AFDN: variants seen among roughly 807,000 people sequenced by gnomAD.
AFDN encodes the protein afadin, adherens junction formation factor.
A neutral mutation model predicts 216.6 loss-of-function variants in AFDN; 68 were observed. The observed-to-expected ratio is 0.31, with a 90% CI of 0.26 to 0.38. The LOEUF is 0.38. Among genes scored for constraint, AFDN ranks in the 10% least tolerant of loss-of-function variants. The pLI is 1.00. For missense variants in AFDN, 2,136 were observed against 2,342.0 expected (o/e 0.91, Z 1.82); for synonymous variants, 868 against 853.7 (o/e 1.02, Z -0.29).
intron 1 of AFDN, among the ~76,000 whole-genome samples, chr6:167,848,361 G>A (rs530785319): frequency 1.3e-5 from 2 of 152,242 alleles, no homozygotes; most frequent in South Asian, 4.2e-4. Context: ...CAGACATAGC[G>A]AAAGGGTTTT....
intron 16 of AFDN, 45 bp from the exon 17 acceptor site, chr6:167,914,123 T>C: frequency 6.2e-7 from 1 of 1,603,602 alleles, no homozygotes; most frequent in Non-Finnish European, 8.5e-7. Context: ...TTTTTATTAC[T>C]TTTGTTTATT....
At chr6:167,832,910 GTAGT>G in intron 1 of AFDN, among the ~76,000 whole-genome samples, 1 of 152,278 alleles carries the variant, frequency 6.6e-6, no homozygotes, top group Non-Finnish European at 1.5e-5. Flanking sequence ...TCACTCCTTT[GTAGT>G]TAGAGTGGCT....
At chr6:167,843,902 G>A (rs946591698) in intron 1 of AFDN, among the ~76,000 whole-genome samples, 1 of 152,162 alleles carries the variant, frequency 6.6e-6, no homozygotes, top group Non-Finnish European at 1.5e-5. Context: ...GGGATAGTTA[G>A]GCTGTTGAAG....
intron 29 of AFDN, among the ~76,000 whole-genome samples, chr6:167,949,070 A>G (rs765850824): frequency 2.6e-5 from 4 of 152,254 alleles, no homozygotes; most frequent in African/African-American, 7.2e-5. Context: ...AGGGCTTGAC[A>G]TGACAGCTAA....
chr6:167,854,108 A>G (rs1014076692), intron 1 of AFDN, among the ~76,000 whole-genome samples: 2 of 152,000 alleles, frequency 1.3e-5, no homozygotes, highest in African/African-American at 2.4e-5. Context: ...ACTGGTTTCA[A>G]ACCTTCAGAT....
intron 21 of AFDN, 126 bp downstream of exon 21, chr6:167,919,059 C>T (rs1042324644): frequency 1.7e-5 from 13 of 761,350 alleles, no homozygotes; most frequent in East Asian, 8.0e-5. Context: ...TGGAGAAGTC[C>T]GTGTTCCACT....
rs1301492503 is a variant in AFDN at position 167,857,696 on chromosome 6, C to G, written c.106-6855C>G. Among the ~76,000 whole-genome samples the G allele has an allele frequency of 2.0e-5, 3 of 152,066 alleles. No homozygotes were observed. In the South Asian group the frequency reaches 6.2e-4, roughly 32 times the overall value. ...TTATTATACTGATTACTTCAAAATC[C>G]GAGCTGTATGAACCTGAACCAACTG... On this transcript the variant is annotated intron_variant, in intron 1 of 33. Coordinates refer to ENST00000683244, the MANE Select transcript of AFDN (RefSeq NM_001386888.1).
At chr6:167,953,530 G>T (rs1220150831) in intron 30 of AFDN, among the ~76,000 whole-genome samples, 1 of 152,064 alleles carries the variant, frequency 6.6e-6, no homozygotes, top group Non-Finnish European at 1.5e-5. Flanking sequence ...TTATTACATT[G>T]TTTTACTACT....
rs114684437 is a variant in AFDN at position 167,903,341 on chromosome 6, G to C, written c.1650+955G>C. Among the ~76,000 whole-genome samples, 411 of 152,308 alleles carry C rather than the reference G, an allele frequency of 2.7e-3. 4 individuals carry two copies. Among genetic ancestry groups the C allele is most frequent in the African/African-American group, 9.1e-3 (380 of 41,564 alleles). ...GTTGGTAGCCAGTGGCTGGAGTGCA[G>C]GGCCCACTGACCCTCTCTCTGTGCT... On this transcript the variant is annotated intron_variant, in intron 12 of 33. Coordinates refer to ENST00000683244, the MANE Select transcript of AFDN (RefSeq NM_001386888.1).
chr6:167,890,389 A>G (rs1469694359), intron 7 of AFDN, among the ~76,000 whole-genome samples: 1 of 152,242 alleles, frequency 6.6e-6, no homozygotes, highest in Non-Finnish European at 1.5e-5. Context: ...TTATTTCAAT[A>G]GGCTTTTGCG....
At position 167,962,486 on chromosome 6, in the gene AFDN, G is replaced by A. The variant is rs767259290; in HGVS notation, c.4887G>A (p.Arg1629=). 3 of 1,613,594 alleles carry A rather than the reference G, an allele frequency of 1.9e-6. No individual in the cohort carries two copies. The African/African-American group carries it at 4.0e-5, about 22-fold the overall frequency. ...AGCAGTTAGAAGAGATGCGCAAGCG[G>A]GAAGCGGAAGACCGAGCGAGGCAAG... ...RQQQLEEMRK[R]EAEDRARQEE... The change falls in exon 31 of 34, where the codon CGG becomes CGA. Residue 1629 remains arginine, a synonymous_variant. Transcript: ENST00000683244. This position sits in a 1 kb window ranked among gnomAD's most constrained non-coding sequence, Gnocchi z 5.2.
At chr6:167,849,146 G>GA (rs1782017360) in intron 1 of AFDN, among the ~76,000 whole-genome samples, 1 of 135,158 alleles carries the variant, frequency 7.4e-6, no homozygotes, top group South Asian at 2.6e-4. Flanking sequence ...GGGTTGTTGT[G>GA]AAAATTGGAG....
At chr6:167,896,682 T>G (rs1788298075) in intron 9 of AFDN, among the ~76,000 whole-genome samples, 196 bp from the exon 10 acceptor site, 1 of 152,250 alleles carries the variant, frequency 6.6e-6, no homozygotes, top group South Asian at 2.1e-4. Flanking sequence ...AATCAGAAAC[T>G]GATACGTTTA....
chr6:167,844,381 T>C (rs1053162143), intron 1 of AFDN, among the ~76,000 whole-genome samples: 1 of 152,204 alleles, frequency 6.6e-6, no homozygotes, highest in Non-Finnish European at 1.5e-5. Context: ...GATATACACT[T>C]TTCTGCAACA....
chr6:167,857,860 A>G (rs1347768101), intron 1 of AFDN, among the ~76,000 whole-genome samples: 1 of 152,182 alleles, frequency 6.6e-6, no homozygotes, highest in Non-Finnish European at 1.5e-5. Flanking sequence ...AGTGCATGGC[A>G]AAATCAGTTA....
Position 167,864,716 on chromosome 6 carries a change from T to G in AFDN, c.271T>G (p.Tyr91Asp). 6.2e-7 allele frequency: 1 copy of G among 1,614,188 alleles called. No homozygotes were observed. Among genetic ancestry groups the G allele is most frequent in the Non-Finnish European group, 8.5e-7 (1 of 1,180,028 alleles). Residue 91 changes from tyrosine (Y) to aspartate (D), a missense_variant, in exon 2 of 34, where the codon TAT (tyrosine) becomes GAT (aspartate). Tyr to Asp is a radical substitution (Grantham distance 160, BLOSUM62 -3). Around this residue, in one of 8 missense-constraint regions of AFDN, gnomAD observed 817 missense variants for 965.7 expected, o/e 0.85. Coordinates refer to ENST00000683244, the MANE Select transcript of AFDN (RefSeq NM_001386888.1). ...PDMRMLSSPK[Y>D]SLYEVHVSGE... is the part of the protein sequence containing the mutation. Reference sequence around the variant, plus strand: ...TATGCGAATGCTGTCCTCTCCCAAGTATTCACTCTATGAAGTGCATGTCAG... The same window carrying G: ...TATGCGAATGCTGTCCTCTCCCAAGGATTCACTCTATGAAGTGCATGTCAG...
chr6:167,939,251 A>G (rs1400152796), intron 23 of AFDN, among the ~76,000 whole-genome samples: 1 of 152,226 alleles, frequency 6.6e-6, no homozygotes, highest in East Asian at 1.9e-4. Context: ...TTTATTCTTT[A>G]CAAGGTCAGT....
rs1787917296 is a variant in AFDN at position 167,893,922 on chromosome 6, C to T, written c.1222+16C>T. ...ACTTACGAAGGTAATGCTATGCTTA[C>T]TACTACTTTTATAACTAAAGCACTA... On this transcript the variant is annotated intron_variant, in intron 9 of 33. Coordinates refer to ENST00000683244, the MANE Select transcript of AFDN (RefSeq NM_001386888.1). 4 of 1,556,940 alleles carry T rather than the reference C, an allele frequency of 2.6e-6. No homozygotes were observed. Among genetic ancestry groups the T allele is most frequent in the Non-Finnish European group, 3.5e-6 (4 of 1,141,538 alleles).
chr6:167,944,781 TA>T (rs900150174), intron 26 of AFDN, among the ~76,000 whole-genome samples: 1,443 of 142,580 alleles, frequency 0.01, 18 homozygotes, highest in African/African-American at 0.023. Context: ...AAACTACAGT[TA>T]AAAAAAAAAA....
Sources: allele counts gnomAD v4.1 joint callset (sites outside exome capture counted in the v4.1 genomes callset), GRCh38; gene constraint gnomAD v4.1.1; regional missense constraint gnomAD v4.1.1; non-coding constraint Gnocchi (gnomAD v3.1); transcripts MANE v1.5; gene names NCBI Gene and HGNC (gene_info 2026-07-23, HGNC 2026-07-21).